The following PCDHA8 variants were observed in gnomAD, a reference collection of about 807,000 sequenced individuals.
PCDHA8 encodes protocadherin alpha 8, also known as protocadherin alpha-8.
Under a neutral mutation model 61.8 loss-of-function variants are expected in PCDHA8, and 53 were observed. That is an observed-to-expected ratio of 0.86 (90% CI 0.69 to 1.08). PCDHA8 has a LOEUF of 1.08. Among genes scored for constraint, PCDHA8 ranks in the 50% least tolerant of loss-of-function variants. The probability of loss-of-function intolerance (pLI) is 0.00; values close to 1 mark genes in which losing one functional copy is unlikely to be tolerated. For synonymous variants in PCDHA8, 618 were observed against 556.6 expected, an observed-to-expected ratio of 1.11 and a Z score of -1.55; for missense variants, 1,293 against 1,245.0, an observed-to-expected ratio of 1.04 and a Z score of -0.58.
chr5:140,863,384 C>A (rs563178599), intron 1 of PCDHA8: 2 of 1,044,912 alleles, frequency 1.9e-6, no homozygotes, highest in South Asian at 1.2e-5. Flanking sequence ...ACCGAGAGCT[C>A]GTGCATGCCG....
intron 1 of PCDHA8, chr5:140,865,401 G>A (rs1011488006): frequency 6.6e-6 from 1 of 152,158 alleles, no homozygotes; most frequent in Non-Finnish European, 1.5e-5. Flanking sequence ...TATAAATGCT[G>A]AAAAGGAATT....
At chr5:140,983,228 A>T (rs1012242202) in intron 3 of PCDHA8, among the ~76,000 whole-genome samples, 4 of 152,240 alleles carry the variant, frequency 2.6e-5, no homozygotes, top group Non-Finnish European at 4.4e-5. Context: ...CCAAACTTTC[A>T]GGAAAGAGAA....
At chr5:140,871,209 C>T (rs955703694) in intron 1 of PCDHA8, 19 of 1,613,704 alleles carry the variant, frequency 1.2e-5, no homozygotes, top group East Asian at 4.5e-5. Flanking sequence ...TGATCATCGC[C>T]ATCTGCGTGG....
intron 1 of PCDHA8, chr5:140,927,716 G>A (rs782756674): frequency 2.5e-6 from 4 of 1,614,072 alleles, no homozygotes; most frequent in Non-Finnish European, 3.4e-6. Context: ...CTAAGCAACA[G>A]CACGCAAGCA....
At chr5:140,852,952 C>A in intron 1 of PCDHA8, 1 of 475,904 alleles carries the variant, frequency 2.1e-6, no homozygotes, top group Non-Finnish European at 2.8e-6. Context: ...CATCTTGGCT[C>A]ACTCCAAGCT....
chr5:140,884,183 G>A (rs201206731), intron 1 of PCDHA8: 1 of 1,613,424 alleles, frequency 6.2e-7, no homozygotes, highest in Non-Finnish European at 8.5e-7. Flanking sequence ...CCCTCTGGAC[G>A]AGGTGGACGC....
At chr5:140,912,410 T>C (rs2075912290) in intron 1 of PCDHA8, among the ~76,000 whole-genome samples, 1 of 152,090 alleles carries the variant, frequency 6.6e-6, no homozygotes, top group Non-Finnish European at 1.5e-5. Context: ...AGCTTGGTTA[T>C]TATTGGTGTA....
intron 1 of PCDHA8, among the ~76,000 whole-genome samples, chr5:140,879,750 A>G (rs1554170976): frequency 1.3e-5 from 2 of 152,216 alleles, no homozygotes; most frequent in Non-Finnish European, 2.9e-5. Context: ...TGTCAAGGCT[A>G]TACTCTCTTT....
At chr5:140,853,460 T>C in intron 1 of PCDHA8, 2 of 974,384 alleles carry the variant, frequency 2.1e-6, no homozygotes, top group Non-Finnish European at 2.5e-6. Flanking sequence ...TCTCCTTATA[T>C]GCATCTGTAG....
At chr5:140,861,527 G>A (rs1554154863) in intron 1 of PCDHA8, 2 of 454,914 alleles carry the variant, frequency 4.4e-6, no homozygotes. Flanking sequence ...GGAGGATCTC[G>A]GAGTGCAGCA....
At chr5:140,944,060 T>G in intron 1 of PCDHA8, among the ~76,000 whole-genome samples, 1 of 152,204 alleles carries the variant, frequency 6.6e-6, no homozygotes, top group Non-Finnish European at 1.5e-5. Flanking sequence ...ACAAAAAGGT[T>G]TCTTGTTAAA....
At chr5:140,922,916 C>T (rs2081069739) in intron 1 of PCDHA8, among the ~76,000 whole-genome samples, 1 of 152,146 alleles carries the variant, frequency 6.6e-6, no homozygotes, top group South Asian at 2.1e-4. Context: ...TACAAATAAA[C>T]TTCAGACTTT....
intron 1 of PCDHA8, among the ~76,000 whole-genome samples, chr5:140,959,768 A>G (rs1554224322): frequency 6.6e-6 from 1 of 152,240 alleles, no homozygotes; most frequent in African/African-American, 2.4e-5. Flanking sequence ...ATATTCAGTA[A>G]GAACAGTGTA....
intron 1 of PCDHA8, chr5:140,848,966 G>C (rs2150427042): frequency 1.9e-5 from 31 of 1,605,602 alleles, no homozygotes; most frequent in Non-Finnish European, 2.6e-5. Flanking sequence ...TAGAGGGCGC[G>C]TCCGATGCAG....
intron 1 of PCDHA8, chr5:140,869,738 T>C (rs1454972321): frequency 1.2e-6 from 2 of 1,613,348 alleles, no homozygotes; most frequent in Non-Finnish European, 8.5e-7. Flanking sequence ...AATTTGCTGC[T>C]AACAGCTACA....
intron 1 of PCDHA8, chr5:140,863,482 A>C (rs2048042905): frequency 4.3e-6 from 2 of 466,950 alleles, no homozygotes; most frequent in East Asian, 1.2e-4. Context: ...TCGCCTCCCA[A>C]GGTCAACATT....
intron 1 of PCDHA8, chr5:140,926,925 G>C (rs1554203816): frequency 6.4e-7 from 1 of 1,574,118 alleles, no homozygotes; most frequent in South Asian, 1.2e-5. Context: ...TTTTATGTTT[G>C]TGGGTTTCCT....
At chr5:140,875,654 C>G in intron 1 of PCDHA8, 2 of 1,613,702 alleles carry the variant, frequency 1.2e-6, no homozygotes, top group Non-Finnish European at 8.5e-7. Flanking sequence ...GAGCTGGTGC[C>G]GCGCCTGTTC....
Position 140,968,523 on chromosome 5 carries a change from A to T in PCDHA8, c.2395-10426A>T, listed in dbSNP as rs1441549667. ...CACATTCTGTACCCTACCTCAACCA[A>T]CTCGTCAGCAGCCTTCGAGATGGTG... On this transcript the variant is annotated intron_variant, in intron 1 of 3. Coordinates refer to ENST00000531613, the MANE Select transcript of PCDHA8 (RefSeq NM_018911.3). The T allele has an allele frequency of 1.3e-5, 21 of 1,613,762 alleles. No individual in the cohort carries two copies. Among genetic ancestry groups the T allele is most frequent in the Non-Finnish European group, 1.8e-5 (21 of 1,179,980 alleles).
Sources: gnomAD v4.1 joint callset for allele counts (sites outside exome capture counted in the v4.1 genomes callset) on GRCh38, gnomAD v4.1.1 for gene constraint, MANE v1.5 for transcripts, NCBI Gene and HGNC (gene_info 2026-07-23, HGNC 2026-07-21) for gene names.